MALRD1: variants seen among roughly 807,000 people sequenced by gnomAD.
MALRD1 encodes the protein MAM and LDL-receptor class A domain-containing protein 1.
MALRD1 carries 247 observed loss-of-function variants against 242.1 expected under a neutral mutation model. The ratio of observed to expected loss-of-function variants is 1.02; its 90% CI spans 0.92 to 1.13. The LOEUF is 1.13. Among genes scored for constraint, MALRD1 ranks in the 50% most tolerant of loss-of-function variants. The pLI is 0.00. For synonymous variants in MALRD1, 995 were observed against 866.6 expected (o/e 1.15, Z -2.60); for missense variants, 2,989 against 2,533.1 (o/e 1.18, Z -3.86).
intron 22 of MALRD1, among the ~76,000 whole-genome samples, chr10:19,324,603 T>TC (rs1389108184): frequency 3.3e-5 from 5 of 150,076 alleles, no homozygotes; most frequent in African/African-American, 9.9e-5. Flanking sequence ...GATCTTATTT[T>TC]TTTTTTAAAA....
rs927738577 is a variant in MALRD1, at chr10:19,355,866, G to T, written c.4441+3569G>T. Among the ~76,000 whole-genome samples, 20 of 51,792 alleles carry T rather than the reference G, an allele frequency of 3.9e-4. 1 individual carries two copies. The highest frequency in any genetic ancestry group is 4.4e-4 in the South Asian group (1 of 2,252). The allele number at this position is 51,792 out of a possible 152,430, so 34.0% of individuals were successfully genotyped here. On this transcript the variant is annotated intron_variant, in intron 26 of 39. Transcript: ENST00000454679. ...TATTATATATATATATATTATATAT[G>T]ATATATATTAGCTAAGCATATATAT...
In MALRD1 at chr10:19,228,731, A is replaced by G. The variant is rs559348333; in HGVS notation, c.2991+19051A>G. On this transcript the variant is annotated intron_variant, in intron 18 of 39. Transcript: ENST00000454679. ...GGATGTCGTTACAGCTATGCTCTAT[A>G]TTGGAGTCTCTGATGAAATCACATG... Among the ~76,000 whole-genome samples the G allele has an allele frequency of 3.3e-5, 5 of 152,218 alleles. No individual in the cohort carries two copies. The South Asian group carries it at 1.0e-3, about 32-fold the overall frequency.
At chr10:19,456,269 T>C (rs879535091) in intron 29 of MALRD1, among the ~76,000 whole-genome samples, 6 of 152,228 alleles carry the variant, frequency 3.9e-5, no homozygotes, top group Admixed American at 3.9e-4. Context: ...GGCATTTTTA[T>C]AATTTCAGAT....
intron 21 of MALRD1, among the ~76,000 whole-genome samples, chr10:19,294,993 T>C (rs11009345): frequency 2.6e-5 from 4 of 151,966 alleles, no homozygotes; most frequent in African/African-American, 9.7e-5. Context: ...TCTGTAATCA[T>C]CTATTTATTA....
intron 18 of MALRD1, among the ~76,000 whole-genome samples, chr10:19,241,312 T>C (rs920409124): frequency 3.9e-5 from 6 of 152,152 alleles, no homozygotes; most frequent in Non-Finnish European, 5.9e-5. Flanking sequence ...GGTAGTTGTA[T>C]GTGTGCAGAA....
intron 28 of MALRD1, among the ~76,000 whole-genome samples, chr10:19,396,736 A>C (rs1026471366): frequency 6.6e-6 from 1 of 152,144 alleles, no homozygotes; most frequent in Non-Finnish European, 1.5e-5. Context: ...AAAAATCAGA[A>C]ATTTCCATCT....
intron 18 of MALRD1, among the ~76,000 whole-genome samples, chr10:19,220,325 G>C (rs1462940668): frequency 2.0e-5 from 3 of 152,120 alleles, no homozygotes; most frequent in Non-Finnish European, 2.9e-5. Context: ...AACTTGTAGA[G>C]GCTGTTGAAT....
chr10:19,293,354 A>G (rs990995320), intron 21 of MALRD1, among the ~76,000 whole-genome samples: 3 of 152,350 alleles, frequency 2.0e-5, no homozygotes, highest in Admixed American at 6.5e-5. Flanking sequence ...CTTGTTGTCA[A>G]GCAGCATTCT....
At chr10:19,279,791 G>C (rs896305581) in intron 19 of MALRD1, among the ~76,000 whole-genome samples, 1 of 152,160 alleles carries the variant, frequency 6.6e-6, no homozygotes, top group Non-Finnish European at 1.5e-5. Flanking sequence ...GCCTCCCATT[G>C]ATTTGGTGAG....
intron 18 of MALRD1, among the ~76,000 whole-genome samples, chr10:19,239,084 A>G (rs1229155526): frequency 6.8e-6 from 1 of 147,398 alleles, no homozygotes; most frequent in Non-Finnish European, 1.5e-5. Flanking sequence ...TTTGAGAAGG[A>G]GTCTTGCTCT....
intron 26 of MALRD1, among the ~76,000 whole-genome samples, chr10:19,359,452 G>T (rs375776826): frequency 6.6e-6 from 1 of 152,060 alleles, no homozygotes; most frequent in Admixed American, 6.6e-5. Flanking sequence ...TGAAGATTTT[G>T]TGGAGTAGCA....
At chr10:19,417,985 A>G (rs1238096332) in intron 28 of MALRD1, among the ~76,000 whole-genome samples, 3 of 152,152 alleles carry the variant, frequency 2.0e-5, no homozygotes, top group Non-Finnish European at 4.4e-5. Flanking sequence ...ACACACGCAC[A>G]CACACACACA....
intron 39 of MALRD1, among the ~76,000 whole-genome samples, chr10:19,733,022 A>G (rs191067251): frequency 6.6e-6 from 1 of 152,282 alleles, no homozygotes; most frequent in Admixed American, 6.5e-5. Flanking sequence ...TTTGATTTCT[A>G]TTGTTTCAGA....
rs1191164268 is a variant in MALRD1, at chr10:19,389,580, G to T, written c.4816G>T (p.Ala1606Ser). Residue 1606 changes from alanine to serine, a missense_variant, in exon 28 of 40, where the codon GCC becomes TCC. Coordinates refer to ENST00000454679, the MANE Select transcript of MALRD1 (RefSeq NM_001142308.3). ...MSFWYFVSAK[A>S]TGSIQILIKT... ...CTTCTGGTATTTCGTATCTGCAAAG[G>T]CCACAGGATCCATTCAGATTCTCAT... 12 of 1,550,398 alleles carry T rather than the reference G, an allele frequency of 7.7e-6. No individual in the cohort carries two copies. The highest frequency in any genetic ancestry group is 7.1e-5 in the South Asian group (6 of 84,044).
chr10:19,509,360 C>T (rs577837475), intron 31 of MALRD1, among the ~76,000 whole-genome samples: 5 of 152,214 alleles, frequency 3.3e-5, no homozygotes, highest in African/African-American at 1.2e-4. Context: ...GAGTTGGCTG[C>T]CTGTGACTGG....
At position 19,366,028 on chromosome 10, in the gene MALRD1, C is replaced by G. The variant is rs774837803; in HGVS notation, c.4441+13731C>G. Among the ~76,000 whole-genome samples, 5 of 151,836 alleles carry G rather than the reference C, an allele frequency of 3.3e-5. 1 individual carries two copies. In the East Asian group the frequency reaches 7.7e-4, roughly 23 times the overall value. Reference sequence around the variant, plus strand: ...CCACAACCTTTTTGGCACCAGGGACCGGTTTCATGGAAGACAATTTTTCCA... The same window carrying G: ...CCACAACCTTTTTGGCACCAGGGACGGGTTTCATGGAAGACAATTTTTCCA... On this transcript the variant is annotated intron_variant, in intron 26 of 39. Coordinates refer to ENST00000454679, the MANE Select transcript of MALRD1 (RefSeq NM_001142308.3).
Position 19,709,741 on chromosome 10 carries a change from A to C in MALRD1, c.6314+17187A>C, listed in dbSNP as rs149301558. 6.0e-3 allele frequency among the ~76,000 whole-genome samples: 917 copies of C among 152,290 alleles called. 9 individuals are homozygous for C. The highest frequency in any genetic ancestry group is 0.021 in the African/African-American group (873 of 41,546). On this transcript the variant is annotated intron_variant, in intron 38 of 39. Coordinates refer to ENST00000454679, the MANE Select transcript of MALRD1 (RefSeq NM_001142308.3). ...TGCATTACAACTCCCTGAAAGAGTTAATGCTCATTTTAAAAATTAAAAAGA... is the reference window on the plus strand; with the variant it reads ...TGCATTACAACTCCCTGAAAGAGTTCATGCTCATTTTAAAAATTAAAAAGA...
chr10:19,144,653 T>C (rs1833668293), intron 10 of MALRD1, among the ~76,000 whole-genome samples: 1 of 152,026 alleles, frequency 6.6e-6, no homozygotes, highest in Non-Finnish European at 1.5e-5. Flanking sequence ...GGTGATGGAG[T>C]CTTTTTAATT....
intron 2 of MALRD1, among the ~76,000 whole-genome samples, chr10:19,080,959 T>C (rs1835469902): frequency 1.3e-5 from 2 of 151,972 alleles, no homozygotes; most frequent in African/African-American, 4.8e-5. Flanking sequence ...GCAAAGGACA[T>C]GAACAGACAC....
Sources: allele counts gnomAD v4.1 joint callset (sites outside exome capture counted in the v4.1 genomes callset), GRCh38; gene constraint gnomAD v4.1.1; transcripts MANE v1.5; gene names NCBI Gene and HGNC (gene_info 2026-07-23, HGNC 2026-07-21).